NSUN6: variants seen among roughly 807,000 people sequenced by gnomAD.
NSUN6 encodes tRNA (cytosine(72)-C(5))-methyltransferase NSUN6.
Under a neutral mutation model 58.0 loss-of-function variants are expected in NSUN6, and 64 were observed. The observed-to-expected ratio is 1.10, with a 90% CI of 0.90 to 1.36. NSUN6 has a LOEUF of 1.36. Ranked by LOEUF, NSUN6 falls within the 40% of genes most tolerant of loss-of-function variation. The pLI is 0.00. For synonymous variants in NSUN6, 231 were observed against 193.9 expected (o/e 1.19, Z -1.59); for missense variants, 701 against 550.1 (o/e 1.27, Z -2.74).
At chr10:18,620,528 C>A (rs74971989) in intron 3 of NSUN6, among the ~76,000 whole-genome samples, 1 of 152,198 alleles carries the variant, frequency 6.6e-6, no homozygotes, top group African/African-American at 2.4e-5. Flanking sequence ...ATAGCCAAAC[C>A]TGATCACTTT....
chr10:18,586,931 T>C (rs1395251589), intron 7 of NSUN6, among the ~76,000 whole-genome samples: 2 of 152,174 alleles, frequency 1.3e-5, no homozygotes, highest in Non-Finnish European at 2.9e-5. Flanking sequence ...GAGCACTGAT[T>C]GGTGCGTTTA....
chr10:18,657,806 G>T (rs992662271), upstream of NSUN6, among the ~76,000 whole-genome samples: 53 of 151,860 alleles, frequency 3.5e-4, no homozygotes, highest in Non-Finnish European at 5.9e-4. Context: ...TAGAGACAGG[G>T]TTTCACCATG....
intron 3 of NSUN6, among the ~76,000 whole-genome samples, chr10:18,627,825 T>C (rs1208131069): frequency 6.6e-6 from 1 of 152,148 alleles, no homozygotes; most frequent in Non-Finnish European, 1.5e-5. Flanking sequence ...GCAGCCAGGC[T>C]GGGGGAGGGG....
intron 8 of NSUN6, among the ~76,000 whole-genome samples, chr10:18,558,333 G>A (rs1311893271): frequency 1.5e-5 from 2 of 137,228 alleles, no homozygotes; most frequent in African/African-American, 5.0e-5. Flanking sequence ...GAATGGAATG[G>A]AATGAGGAAT....
intron 8 of NSUN6, among the ~76,000 whole-genome samples, chr10:18,555,050 A>G (rs11014859): frequency 0.032 from 4,790 of 151,464 alleles, 250 homozygotes; most frequent in African/African-American, 0.11. Flanking sequence ...ATGGAATGGA[A>G]TGGAGAATGG....
intron 3 of NSUN6, among the ~76,000 whole-genome samples, chr10:18,636,820 C>T (rs968412855): frequency 2.1e-4 from 32 of 151,348 alleles, no homozygotes; most frequent in Admixed American, 1.6e-3. Context: ...ACCTGGGAGG[C>T]GGAGCTTACA....
intron 3 of NSUN6, among the ~76,000 whole-genome samples, chr10:18,627,199 T>C (rs1226146061): frequency 6.6e-6 from 1 of 152,168 alleles, no homozygotes; most frequent in Admixed American, 6.5e-5. Flanking sequence ...GAAACCAAAA[T>C]TTTATTTTAA....
chr10:18,608,272 C>T (rs557417825), intron 6 of NSUN6, among the ~76,000 whole-genome samples: 3 of 152,212 alleles, frequency 2.0e-5, no homozygotes, highest in Admixed American at 6.5e-5. Flanking sequence ...TGAAGGAGTG[C>T]AGCTATAGAT....
Position 18,590,987 on chromosome 10 carries a change from T to A in NSUN6, c.778-4894A>T, listed in dbSNP as rs189031275. On this transcript the variant is annotated intron_variant, in intron 7 of 10. Coordinates refer to ENST00000377304, the MANE Select transcript of NSUN6 (RefSeq NM_182543.5). Reference sequence around the variant, plus strand: ...TGAAAAGATTAACAAAACAGACCATTAGCTAGACTAACACAGAAGAAAACA... The same window carrying A: ...TGAAAAGATTAACAAAACAGACCATAAGCTAGACTAACACAGAAGAAAACA... Among the ~76,000 whole-genome samples, 346 of 152,118 alleles carry A rather than the reference T, an allele frequency of 2.3e-3. 3 individuals are homozygous for A. The highest frequency in any genetic ancestry group is 7.9e-3 in the African/African-American group (328 of 41,522).
chr10:18,596,361 A>G, intron 6 of NSUN6, 34 bp from the exon 7 acceptor site: 1 of 1,434,478 alleles, frequency 7.0e-7, no homozygotes, highest in East Asian at 2.3e-5. Context: ...ATTATCAATA[A>G]TCCTAAAGCA....
chr10:18,606,615 G>C (rs5022622), intron 6 of NSUN6, among the ~76,000 whole-genome samples: 1 of 152,020 alleles, frequency 6.6e-6, no homozygotes, highest in Admixed American at 6.6e-5. Context: ...TACCATGGTA[G>C]TATATTACCC....
chr10:18,562,684 G>A (rs1283258745), intron 8 of NSUN6, among the ~76,000 whole-genome samples: 2 of 147,132 alleles, frequency 1.4e-5, no homozygotes, highest in Non-Finnish European at 3.0e-5. Flanking sequence ...GGAATGGAAT[G>A]CAGAATAGAG....
At chr10:18,650,120 TC>T (rs1332317163) in intron 1 of NSUN6, among the ~76,000 whole-genome samples, 9 of 152,174 alleles carry the variant, frequency 5.9e-5, no homozygotes, top group Non-Finnish European at 2.9e-5. Context: ...ACTGAGGACT[TC>T]TGTGGCAGGC....
At chr10:18,652,066 T>TG (rs2059719685), upstream of NSUN6, 3 of 985,456 alleles carry the variant, frequency 3.0e-6, no homozygotes, top group South Asian at 4.7e-5. Context: ...ATAGGGTTCA[T>TG]ATTTTTGAAA....
At chr10:18,627,434 C>CGGT (rs1194241191) in intron 3 of NSUN6, among the ~76,000 whole-genome samples, 2 of 152,128 alleles carry the variant, frequency 1.3e-5, no homozygotes, top group Non-Finnish European at 2.9e-5. Context: ...GGAACAGCTC[C>CGGT]GGTCTACAGC....
In NSUN6 at chr10:18,648,638, G is replaced by C; in HGVS notation, c.83C>G (p.Thr28Ser). Residue 28 changes from threonine to serine, a missense_variant, in exon 2 of 11, where the codon ACT (threonine) becomes AGT (serine). By Grantham distance (58) the Thr-to-Ser change is moderately conservative (BLOSUM62 1). Transcript: ENST00000377304. ...KEGFMNKEIV[T>S]ALGKQEAERK... The stretch of plus-strand genomic sequence containing the variant: ...TTCTGCTTCTTGTTTACCTAAAGCA[G>C]TCACAATCTAAAAAGAAGTTCATGT... 6.4e-7 allele frequency: 1 copy of C among 1,557,090 alleles called. No homozygotes were observed. The highest frequency in any genetic ancestry group is 8.7e-7 in the Non-Finnish European group (1 of 1,151,256).
intron 3 of NSUN6, among the ~76,000 whole-genome samples, chr10:18,639,911 A>G (rs1490444425): frequency 6.6e-6 from 1 of 152,220 alleles, no homozygotes; most frequent in African/African-American, 2.4e-5. Context: ...AGACCTTTGA[A>G]CTGGTTATTC....
At chr10:18,628,672 G>C (rs952933942) in intron 3 of NSUN6, among the ~76,000 whole-genome samples, 1 of 152,094 alleles carries the variant, frequency 6.6e-6, no homozygotes, top group Non-Finnish European at 1.5e-5. Flanking sequence ...AAGATGAACT[G>C]AATGAAATGA....
At chr10:18,570,429 C>CTCCAT (rs1198300259) in intron 8 of NSUN6, among the ~76,000 whole-genome samples, 1 of 148,642 alleles carries the variant, frequency 6.7e-6, no homozygotes, top group Non-Finnish European at 1.5e-5. Flanking sequence ...CCATTCCATT[C>CTCCAT]TCCATTCCAT....
Sources: allele counts gnomAD v4.1 joint callset (sites outside exome capture counted in the v4.1 genomes callset), GRCh38; gene constraint gnomAD v4.1.1; transcripts MANE v1.5; gene names NCBI Gene and HGNC (gene_info 2026-07-23, HGNC 2026-07-21).